The following ABCC6 variants were observed in gnomAD, a reference collection of about 807,000 sequenced individuals.
ABCC6 encodes the protein ATP binding cassette subfamily C member 6, also known as ATP-binding cassette sub-family C member 6.
ABCC6 carries 126 observed loss-of-function variants against 169.5 expected under a neutral mutation model. The observed-to-expected ratio is 0.74, with a 90% CI of 0.64 to 0.86. The LOEUF (loss-of-function observed/expected upper bound fraction) is 0.86, where lower values mean the gene tolerates loss of function less well. Among genes scored for constraint, ABCC6 ranks in the 40% least tolerant of loss-of-function variants. The pLI is 0.00. For missense variants in ABCC6, 1,733 were observed against 1,927.2 expected, an observed-to-expected ratio of 0.90 and a Z score of 1.89; for synonymous variants, 752 against 814.7, an observed-to-expected ratio of 0.92 and a Z score of 1.31.
intron 21 of ABCC6, among the ~76,000 whole-genome samples, chr16:16,171,136 A>G (rs769925017): frequency 6.6e-6 from 1 of 150,950 alleles, no homozygotes; most frequent in African/African-American, 2.4e-5. Context: ...TCCTTCACAC[A>G]TTCTTTGGGG....
intron 29 of ABCC6, among the ~76,000 whole-genome samples, chr16:16,154,427 C>A (rs893997499): frequency 2.6e-5 from 4 of 152,190 alleles, no homozygotes; most frequent in Non-Finnish European, 5.9e-5. Flanking sequence ...ATATAGAAGA[C>A]TAACTGCTAA....
chr16:16,204,837 C>CTTTTT (rs869245358), intron 7 of ABCC6, among the ~76,000 whole-genome samples: 1 of 140,184 alleles, frequency 7.1e-6, no homozygotes, highest in Non-Finnish European at 1.6e-5. Context: ...TTTTTCTTTT[C>CTTTTT]TTTTTTTTTT....
chr16:16,179,554 G>A (rs188542713), intron 17 of ABCC6, among the ~76,000 whole-genome samples: 22 of 152,066 alleles, frequency 1.4e-4, no homozygotes, highest in Non-Finnish European at 2.5e-4. Flanking sequence ...AGCACATTAC[G>A]TTGATTGTGC....
At position 16,150,604 on chromosome 16, in the gene ABCC6, G is replaced by C. The variant is rs63750763; in HGVS notation, c.4377C>G (p.Arg1459=). The change falls in exon 30 of 31, where the codon CGC becomes CGG. Residue 1459 remains arginine (R), a synonymous_variant. Coordinates refer to ENST00000205557, the MANE Select transcript of ABCC6 (RefSeq NM_001171.6). Reference sequence around the variant, plus strand: ...GGGCACAGTCCATCACGGAGCGCAGGCGGTGGGCAATGAGCAGCACAGTGC... The same window carrying C: ...GGGCACAGTCCATCACGGAGCGCAGCCGGTGGGCAATGAGCAGCACAGTGC... ...AQCTVLLIAH[R]LRSVMDCARV... is the part of the protein sequence containing the mutation. The C allele has an allele frequency of 4.5e-5, 72 of 1,612,584 alleles. 2 individuals are homozygous for C. The Middle Eastern group carries it at 5.0e-4, about 11-fold the overall frequency.
At chr16:16,206,370 A>G (rs2048391164) in intron 7 of ABCC6, among the ~76,000 whole-genome samples, 1 of 152,078 alleles carries the variant, frequency 6.6e-6, no homozygotes, top group Non-Finnish European at 1.5e-5. Flanking sequence ...CACACCTGTA[A>G]TCCCAGCACT....
intron 29 of ABCC6, among the ~76,000 whole-genome samples, chr16:16,151,734 T>G (rs1195435135): frequency 6.6e-6 from 1 of 152,166 alleles, no homozygotes; most frequent in African/African-American, 2.4e-5. Context: ...ATATTATTGT[T>G]CTCTTCTTTT....
At position 16,203,433 on chromosome 16, in the gene ABCC6, C is replaced by T. The variant is rs375845144; in HGVS notation, c.975G>A (p.Arg325=). ...TLSLIISDVF[R]FTVPKLLSLF... is the part of the protein sequence containing the mutation. ...ACCTGAGCAGCTTGGGGACAGTGAACCTGAAGACATCACTGATGATGAGGC... is the reference window on the plus strand; with the variant it reads ...ACCTGAGCAGCTTGGGGACAGTGAATCTGAAGACATCACTGATGATGAGGC... The change falls in exon 8 of 31, where the codon AGG becomes AGA. Residue 325 remains arginine, a synonymous_variant. Transcript: ENST00000205557. 1.2e-6 allele frequency: 2 copies of T among 1,613,880 alleles called. No individual in the cohort carries two copies. Among genetic ancestry groups the T allele is most frequent in the East Asian group, 2.2e-5 (1 of 44,874 alleles).
intron 22 of ABCC6, among the ~76,000 whole-genome samples, chr16:16,168,326 C>A (rs1004387528): frequency 4.0e-5 from 6 of 151,842 alleles, no homozygotes. Flanking sequence ...CCGTCTCTAT[C>A]AAAAACAAAA....
At chr16:16,188,708 A>G in intron 13 of ABCC6, 123 bp downstream of exon 13, 1 of 1,373,404 alleles carries the variant, frequency 7.3e-7, no homozygotes, top group South Asian at 1.2e-5. Context: ...CCAGCTCCAC[A>G]CCATCCCTCT....
intron 10 of ABCC6, among the ~76,000 whole-genome samples, chr16:16,193,228 G>A (rs1035543161): frequency 6.6e-6 from 1 of 152,074 alleles, no homozygotes; most frequent in East Asian, 1.9e-4. Flanking sequence ...CTCCACCAGC[G>A]CCATGACAGT....
intron 4 of ABCC6, 151 bp from the exon 5 acceptor site, chr16:16,214,600 T>TTTTC: frequency 6.9e-7 from 1 of 1,443,358 alleles, no homozygotes; most frequent in South Asian, 1.4e-5. Flanking sequence ...GTGGTTCTAA[T>TTTTC]TTTCTTTCTT....
chr16:16,152,409 C>T (rs2046412900), intron 29 of ABCC6, among the ~76,000 whole-genome samples: 1 of 151,880 alleles, frequency 6.6e-6, no homozygotes, highest in African/African-American at 2.4e-5. Flanking sequence ...TGATCAGAAC[C>T]TACTATGGTC....
At chr16:16,217,780 A>T (rs1389289467) in intron 4 of ABCC6, among the ~76,000 whole-genome samples, 1 of 152,120 alleles carries the variant, frequency 6.6e-6, no homozygotes, top group Non-Finnish European at 1.5e-5. Context: ...TTAGTTACAA[A>T]GGTTACTCTT....
chr16:16,208,742 G>A lies in ABCC6; in HGVS notation c.780C>T (p.Arg260=). 1 of 1,613,562 alleles carries A rather than the reference G, an allele frequency of 6.2e-7. No individual in the cohort carries two copies. Among genetic ancestry groups the A allele is most frequent in the Non-Finnish European group, 8.5e-7 (1 of 1,179,682 alleles). ...SRLEKEWMRN[R]SAARRHNKAI... is the part of the protein sequence containing the mutation. ...CACCCACTTACCTCCGGGCTGCACT[G>A]CGGTTCCTCATCCACTCCTTTTCAA... is the stretch of plus-strand genomic sequence containing the variant. Residue 260 remains arginine (R), a synonymous_variant, in exon 7 of 31, where the codon CGC becomes CGT. Coordinates refer to ENST00000205557, the MANE Select transcript of ABCC6 (RefSeq NM_001171.6).
Position 16,149,573 on chromosome 16 carries a change from A to G in ABCC6, c.*560T>C, listed in dbSNP as rs1245835034. 4.2e-6 allele frequency: 1 copy of G among 238,502 alleles called. No individual in the cohort carries two copies. The highest frequency in any genetic ancestry group is 8.4e-6 in the Non-Finnish European group (1 of 119,562). 14.8% of individuals were successfully genotyped at this position (238,502 alleles called of 1,614,324 possible). A position where few individuals can be genotyped will look rare whatever the true frequency, so the allele number is the denominator to read the frequency against. Reference sequence around the variant, plus strand: ...ACACACACACACAGGAGTACAGGTAAAACGGGAAATCGAGCAAGATTGTTG... The same window carrying G: ...ACACACACACACAGGAGTACAGGTAGAACGGGAAATCGAGCAAGATTGTTG... On this transcript the variant is annotated 3_prime_UTR_variant, in exon 31 of 31. Transcript: ENST00000205557.
chr16:16,173,928 A>G lies in ABCC6; in HGVS notation c.2667-524T>C, dbSNP rs141671486. 3.8e-4 allele frequency among the ~76,000 whole-genome samples: 58 copies of G among 152,306 alleles called. No homozygotes were observed. The East Asian group carries it at 0.011, about 29-fold the overall frequency. ...CAGTCCAACTGGCAGAATATAAATT[A>G]TGCACAATTCAGATGCTAAAGACTC... On this transcript the variant is annotated intron_variant, in intron 20 of 30. Coordinates refer to ENST00000205557, the MANE Select transcript of ABCC6 (RefSeq NM_001171.6).
intron 15 of ABCC6, among the ~76,000 whole-genome samples, chr16:16,183,356 A>T (rs2047543984): frequency 6.6e-6 from 1 of 152,052 alleles, no homozygotes; most frequent in Admixed American, 6.5e-5. Context: ...GGCTCTTGCG[A>T]TAAATAGGCT....
At chr16:16,193,015 T>C (rs969876276) in intron 10 of ABCC6, 93 bp from the exon 11 acceptor site, 61 of 1,073,022 alleles carry the variant, frequency 5.7e-5, no homozygotes, top group Non-Finnish European at 7.5e-5. Flanking sequence ...GAATAGGGAC[T>C]GGGTAAAATG....
rs1007722455 is a variant in ABCC6 at position 16,152,428 on chromosome 16, G to A, written c.4209-1656C>T. Among the ~76,000 whole-genome samples the A allele has an allele frequency of 3.3e-5, 5 of 151,888 alleles. No individual in the cohort carries two copies. In the East Asian group the frequency reaches 7.8e-4, roughly 24 times the overall value. ...CAGAACCTACTATGGTCATGCAGGC[G>A]TTAGAGTGCCTGGGTCTTGTCCCAA... is the stretch of plus-strand genomic sequence containing the variant. On this transcript the variant is annotated intron_variant, in intron 29 of 30. Transcript: ENST00000205557.
Sources: gnomAD v4.1 joint callset for allele counts (sites outside exome capture counted in the v4.1 genomes callset) on GRCh38, gnomAD v4.1.1 for gene constraint, MANE v1.5 for transcripts, NCBI Gene and HGNC (gene_info 2026-07-23, HGNC 2026-07-21) for gene names.